The following FBXO10 variants were observed in gnomAD, a reference collection of about 807,000 sequenced individuals.
FBXO10 encodes the protein F-box protein 10.
A neutral mutation model predicts 80.7 loss-of-function variants in FBXO10; 39 were observed. The observed-to-expected ratio is 0.48, with a 90% CI of 0.37 to 0.63. The LOEUF is 0.63. FBXO10 is among the 30% of genes least tolerant of loss of function. The probability of loss-of-function intolerance (pLI) is 0.00; values close to 1 mark genes in which losing one functional copy is unlikely to be tolerated. For synonymous variants in FBXO10, 449 were observed against 489.6 expected (o/e 0.92, Z 1.09); for missense variants, 1,025 against 1,269.0 (o/e 0.81, Z 2.92).
rs145690286 is a variant in FBXO10 at position 37,534,706 on chromosome 9, C to A, written c.1419+2404G>T. ...GGCAGATGAGAGACTGGAGACAGCA[C>A]CCTCCTGACGCAGGCTGGGGACAAA... On this transcript the variant is annotated intron_variant, in intron 3 of 10. Transcript: ENST00000432825. Among the ~76,000 whole-genome samples the A allele has an allele frequency of 4.6e-3, 696 of 152,314 alleles. 6 individuals are homozygous for A. Among genetic ancestry groups the A allele is most frequent in the South Asian group, 0.011 (53 of 4,822 alleles).
At chr9:37,527,304 C>T (rs1292196066) in intron 5 of FBXO10, among the ~76,000 whole-genome samples, 1 of 152,244 alleles carries the variant, frequency 6.6e-6, no homozygotes, top group Admixed American at 6.5e-5. Context: ...TGTAAGGCAA[C>T]ATATGCACAG....
intron 1 of FBXO10, among the ~76,000 whole-genome samples, chr9:37,559,498 T>C (rs1822423026): frequency 6.6e-6 from 1 of 152,232 alleles, no homozygotes; most frequent in South Asian, 2.1e-4. Context: ...GGGACCTTGA[T>C]AGCACCCAAA....
At chr9:37,535,948 G>A (rs571677452) in intron 3 of FBXO10, 2 of 152,308 alleles carry the variant, frequency 1.3e-5, no homozygotes, top group East Asian at 3.9e-4. Context: ...GAGGGCTTGA[G>A]CCAGATCCTT....
At chr9:37,532,871 A>G (rs1197708223) in intron 3 of FBXO10, among the ~76,000 whole-genome samples, 1 of 152,196 alleles carries the variant, frequency 6.6e-6, no homozygotes, top group Non-Finnish European at 1.5e-5. Flanking sequence ...ACCACTTCCA[A>G]TGCACCTTCA....
At chr9:37,520,516 CTTCTTCTTTTT>C (rs1276600540) in intron 8 of FBXO10, among the ~76,000 whole-genome samples, 1 of 119,044 alleles carries the variant, frequency 8.4e-6, no homozygotes, top group Non-Finnish European at 1.7e-5. Context: ...TCTACTCCTT[CTTCTTCTTTTT>C]TTTTTTTTTT....
intron 9 of FBXO10, among the ~76,000 whole-genome samples, chr9:37,517,211 G>A (rs1821204225): frequency 6.6e-6 from 1 of 152,122 alleles, no homozygotes; most frequent in Non-Finnish European, 1.5e-5. Flanking sequence ...TGACTCAGGG[G>A]GAAGGGTGGG....
At chr9:37,557,337 C>A (rs916619886) in intron 1 of FBXO10, among the ~76,000 whole-genome samples, 9 of 152,220 alleles carry the variant, frequency 5.9e-5, no homozygotes, top group Admixed American at 4.6e-4. Flanking sequence ...CTGAGCCTTA[C>A]CCCAGACCTC....
chr9:37,561,265 G>A (rs569068501), intron 1 of FBXO10, among the ~76,000 whole-genome samples: 1 of 148,860 alleles, frequency 6.7e-6, no homozygotes, highest in Non-Finnish European at 1.5e-5. Context: ...CTGCAGCCTC[G>A]AACTCCTGGC....
chr9:37,566,459 G>GAA (rs397894696), intron 1 of FBXO10, among the ~76,000 whole-genome samples: 2 of 64,382 alleles, frequency 3.1e-5, no homozygotes, highest in African/African-American at 5.5e-5. Context: ...CTCTGTCTCG[G>GAA]AAAAAAAAAA....
intron 1 of FBXO10, among the ~76,000 whole-genome samples, chr9:37,545,697 T>C (rs1228080425): frequency 1.3e-5 from 2 of 152,160 alleles, no homozygotes. Context: ...AAACTCAACA[T>C]CATGTCCAAA....
rs373814291 is a variant in FBXO10 at position 37,525,124 on chromosome 9, C to T, written c.1755G>A (p.Glu585=). ...TACCTGTGATGAGGCCTTTGCCGTT[C>T]TCATTCACTGCTATGCCGGCAGCAC... ...KGRAAGIAVN[E]NGKGLITENV... is the part of the protein sequence containing the mutation. Residue 585 remains glutamate, a synonymous_variant, in exon 6 of 11, where the codon GAG becomes GAA. Transcript: ENST00000432825. 2 of 1,564,312 alleles carry T rather than the reference C, an allele frequency of 1.3e-6. No homozygotes were observed. The highest frequency in any genetic ancestry group is 2.7e-5 in the African/African-American group (2 of 73,520).
At chr9:37,547,430 C>T (rs1256439851) in intron 1 of FBXO10, among the ~76,000 whole-genome samples, 1 of 151,768 alleles carries the variant, frequency 6.6e-6, no homozygotes, top group Non-Finnish European at 1.5e-5. Context: ...TCTCTGAAAA[C>T]AAAACAAAAC....
At chr9:37,540,100 A>C (rs957252779) in intron 2 of FBXO10, among the ~76,000 whole-genome samples, 1 of 152,084 alleles carries the variant, frequency 6.6e-6, no homozygotes, top group Non-Finnish European at 1.5e-5. Context: ...CACACACTAC[A>C]TCTGTCACAA....
intron 1 of FBXO10, among the ~76,000 whole-genome samples, chr9:37,570,242 A>T (rs964968841): frequency 6.6e-6 from 1 of 151,966 alleles, no homozygotes; most frequent in Non-Finnish European, 1.5e-5. Flanking sequence ...TGAACCCGGG[A>T]GGTGGAGGTT....
At chr9:37,517,565 G>GGGAGTGC (rs1821217378) in intron 9 of FBXO10, among the ~76,000 whole-genome samples, 1 of 151,938 alleles carries the variant, frequency 6.6e-6, no homozygotes, top group Non-Finnish European at 1.5e-5. Flanking sequence ...GCTCTGTGAG[G>GGGAGTGC]TATGTGTGGA....
intron 1 of FBXO10, among the ~76,000 whole-genome samples, chr9:37,564,520 G>A (rs1015410993): frequency 3.3e-5 from 5 of 152,224 alleles, no homozygotes; most frequent in Non-Finnish European, 5.9e-5. Context: ...CAGCCAGGAG[G>A]TGGGTTGTAT....
intron 9 of FBXO10, 57 bp from the exon 10 acceptor site, chr9:37,516,142 A>T: frequency 6.5e-7 from 1 of 1,550,150 alleles, no homozygotes; most frequent in Non-Finnish European, 8.7e-7. Context: ...TGAGTGGGAG[A>T]GCTGGGCAAG....
Position 37,549,683 on chromosome 9 carries a change from C to A in FBXO10, c.-6-7909G>T, listed in dbSNP as rs145820417. Among the ~76,000 whole-genome samples, 859 of 152,290 alleles carry A rather than the reference C, an allele frequency of 5.6e-3. 12 individuals carry two copies. Among genetic ancestry groups the A allele is most frequent in the African/African-American group, 0.019 (792 of 41,560 alleles). ...TTGTTGAAAACCCTGACTCATCTGA[C>A]CAGAGTTTCTCATGGTCTCAATTTT... On this transcript the variant is annotated intron_variant, in intron 1 of 10. Transcript: ENST00000432825.
At chr9:37,552,548 C>T (rs1260141169) in intron 1 of FBXO10, among the ~76,000 whole-genome samples, 6 of 151,908 alleles carry the variant, frequency 3.9e-5, no homozygotes, top group African/African-American at 4.8e-5. Flanking sequence ...AAAAATTAGC[C>T]GGGCATGGTG....
Sources: allele counts gnomAD v4.1 joint callset (sites outside exome capture counted in the v4.1 genomes callset), GRCh38; gene constraint gnomAD v4.1.1; transcripts MANE v1.5; gene names NCBI Gene and HGNC (gene_info 2026-07-23, HGNC 2026-07-21).